The following HOATZ variants were observed in gnomAD, a reference collection of about 807,000 sequenced individuals.
HOATZ encodes the protein HOATZ cilia and flagella associated protein, also known as cilia- and flagella-associated protein HOATZ.
A neutral mutation model predicts 24.9 loss-of-function variants in HOATZ; 26 were observed. The ratio of observed to expected loss-of-function variants is 1.04; its 90% CI spans 0.76 to 1.45. The LOEUF is 1.45. Ranked by LOEUF, HOATZ falls within the 40% of genes most tolerant of loss-of-function variation. HOATZ has a pLI of 0.00. For missense variants in HOATZ, 226 were observed against 201.5 expected, an observed-to-expected ratio of 1.12 and a Z score of -0.74; for synonymous variants, 83 against 76.6, an observed-to-expected ratio of 1.08 and a Z score of -0.43.
rs979056421 is a variant in HOATZ, at chr11:111,515,940, T to G, written c.269-100T>G. On this transcript the variant is annotated intron_variant, in intron 2 of 5. Coordinates refer to ENST00000375618, the MANE Select transcript of HOATZ (RefSeq NM_001100388.2). ...CATGTATTTTTGTTTACCTTCCTAC[T>G]CTATGTATTCCCTTTCAACCCATGT... The G allele has an allele frequency of 2.3e-5, 18 of 770,562 alleles. No individual in the cohort carries two copies. The East Asian group carries it at 5.0e-4, about 21-fold the overall frequency. The allele number at this position is 770,562 out of a possible 1,614,324, so 47.7% of individuals were successfully genotyped here.
intron 3 of HOATZ, among the ~76,000 whole-genome samples, chr11:111,524,132 C>G (rs945276961): frequency 5.3e-5 from 8 of 152,172 alleles, no homozygotes; most frequent in Admixed American, 5.2e-4. Flanking sequence ...AGCCCAGTTC[C>G]TTGAGCTAGA....
At chr11:111,522,515 G>A (rs899833014) in intron 3 of HOATZ, among the ~76,000 whole-genome samples, 1 of 152,148 alleles carries the variant, frequency 6.6e-6, no homozygotes, top group Non-Finnish European at 1.5e-5. Flanking sequence ...AATTATATCA[G>A]AGCCAGATAA....
intron 3 of HOATZ, among the ~76,000 whole-genome samples, chr11:111,522,032 C>A (rs1164686240): frequency 1.3e-5 from 2 of 152,164 alleles, no homozygotes; most frequent in African/African-American, 4.8e-5. Context: ...TCATTTGTCC[C>A]ATATAGACCC....
intron 5 of HOATZ, chr11:111,536,122 A>T (rs1375357063): frequency 6.6e-6 from 1 of 152,284 alleles, no homozygotes; most frequent in African/African-American, 2.4e-5. Flanking sequence ...GGTCACCCAA[A>T]GTGCCAGCAT....
chr11:111,530,898 TTCCAGGAAACATG>T (rs1434731437), intron 3 of HOATZ, among the ~76,000 whole-genome samples: 4 of 152,192 alleles, frequency 2.6e-5, no homozygotes, highest in African/African-American at 7.2e-5. Context: ...TGTTATTTAT[TTCCAGGAAACATG>T]TCCAGGAGGC....
chr11:111,519,527 C>T (rs929342334), intron 3 of HOATZ, among the ~76,000 whole-genome samples: 3 of 152,070 alleles, frequency 2.0e-5, no homozygotes, highest in Non-Finnish European at 4.4e-5. Flanking sequence ...TGGGAGGAAA[C>T]GTAACTCCCT....
chr11:111,533,426 A>G (rs931021739), intron 3 of HOATZ, among the ~76,000 whole-genome samples: 8 of 152,264 alleles, frequency 5.3e-5, no homozygotes, highest in African/African-American at 1.9e-4. Context: ...GTCTTAATAA[A>G]TATTAGTTTT....
intron 5 of HOATZ, chr11:111,535,915 A>G (rs1867446045): frequency 6.6e-6 from 1 of 152,228 alleles, no homozygotes; most frequent in Non-Finnish European, 1.5e-5. Context: ...TCAGCTTCCC[A>G]AAGTGCTGGG....
chr11:111,534,550 C>A (rs866921689), intron 5 of HOATZ, 86 bp downstream of exon 5: 3 of 1,083,838 alleles, frequency 2.8e-6, no homozygotes, highest in African/African-American at 3.2e-5. Context: ...TTGCCACTTA[C>A]CCTTAAATCT....
At chr11:111,515,601 C>G in intron 2 of HOATZ, 49 bp downstream of exon 2, 1 of 1,453,252 alleles carries the variant, frequency 6.9e-7, no homozygotes, top group Middle Eastern at 1.7e-4. Context: ...CTAGGTTCAT[C>G]AGAAAATAGA....
chr11:111,536,840 A>G lies in HOATZ; in HGVS notation c.*13A>G, dbSNP rs749006031. ...AACTTTGGACTAATTTGCTTGACAC[A>G]TGGCAGAGGATGGCTCACTTATACC... On this transcript the variant is annotated 3_prime_UTR_variant, in exon 6 of 6. Coordinates refer to ENST00000375618, the MANE Select transcript of HOATZ (RefSeq NM_001100388.2). 1.9e-6 allele frequency: 3 copies of G among 1,607,476 alleles called. No homozygotes were observed. The highest frequency in any genetic ancestry group is 1.1e-5 in the South Asian group (1 of 90,902).
intron 5 of HOATZ, chr11:111,536,527 C>A: frequency 2.9e-6 from 1 of 343,188 alleles, no homozygotes; most frequent in Non-Finnish European, 5.3e-6. Context: ...TCTCAGGAGT[C>A]TGACTCTAGA....
In HOATZ at chr11:111,518,666, A is replaced by C. The variant is rs140163152; in HGVS notation, c.339+2556A>C. Among the ~76,000 whole-genome samples, 590 of 152,346 alleles carry C rather than the reference A, an allele frequency of 3.9e-3. 5 individuals carry two copies. Among genetic ancestry groups the C allele is most frequent in the African/African-American group, 0.013 (549 of 41,584 alleles). ...TGTTGTATCATAATGATTGCTGACT[A>C]TGGCATTGTTCAAGTATGCTGCCAA... On this transcript the variant is annotated intron_variant, in intron 3 of 5. Coordinates refer to ENST00000375618, the MANE Select transcript of HOATZ (RefSeq NM_001100388.2).
Position 111,514,996 on chromosome 11 carries a change from G to A in HOATZ, c.212G>A (p.Arg71Lys). 1 of 1,612,734 alleles carries A rather than the reference G, an allele frequency of 6.2e-7. No individual in the cohort carries two copies. Among genetic ancestry groups the A allele is most frequent in the Non-Finnish European group, 8.5e-7 (1 of 1,179,768 alleles). ...SQRLPVARPR[R>K]SRGSENSHSS... ...CGTCTGCCGGTGGCGCGGCCCAGGA[G>A]GAGCAGAGGGTCTGGTGAGTAGAAT... is the stretch of plus-strand genomic sequence containing the variant. The change falls in exon 1 of 6, where the codon AGG becomes AAG. Residue 71 changes from arginine to lysine, a missense_variant. Physicochemically the swap from Arg to Lys is conservative, Grantham distance 26. Transcript: ENST00000375618.
chr11:111,534,168 A>G (rs1485430006), intron 4 of HOATZ, among the ~76,000 whole-genome samples: 1 of 152,262 alleles, frequency 6.6e-6, no homozygotes, highest in Non-Finnish European at 1.5e-5. Flanking sequence ...AAGAGAAACA[A>G]ACCTAATAAA....
At chr11:111,535,547 T>C (rs753540440) in intron 5 of HOATZ, 1 of 152,260 alleles carries the variant, frequency 6.6e-6, no homozygotes, top group South Asian at 2.1e-4. Context: ...CTCTTAATAA[T>C]TTAAATGCTT....
chr11:111,515,215 CAT>C (rs1867170458), intron 1 of HOATZ: 2 of 601,194 alleles, frequency 3.3e-6, no homozygotes, highest in South Asian at 2.1e-5. Context: ...CATCTAAAAA[CAT>C]ATAAGTTTCC....
At chr11:111,533,890 C>G in intron 4 of HOATZ, 85 bp downstream of exon 4, 4 of 934,554 alleles carry the variant, frequency 4.3e-6, no homozygotes, top group Non-Finnish European at 6.3e-6. Flanking sequence ...AGATTGAACC[C>G]TTAAATCTAG....
At chr11:111,531,711 T>C (rs1448972973) in intron 3 of HOATZ, among the ~76,000 whole-genome samples, 1 of 152,182 alleles carries the variant, frequency 6.6e-6, no homozygotes, top group Non-Finnish European at 1.5e-5. Context: ...AGAAATCCTA[T>C]CTCAAAATAA....
Sources: gnomAD v4.1 joint callset for allele counts (sites outside exome capture counted in the v4.1 genomes callset) on GRCh38, gnomAD v4.1.1 for gene constraint, MANE v1.5 for transcripts, NCBI Gene and HGNC (gene_info 2026-07-23, HGNC 2026-07-21) for gene names.